Variants in KIN observed in about 807,000 individuals in gnomAD.
The protein encoded by KIN is DNA/RNA-binding protein KIN17.
In KIN, 47 loss-of-function variants were observed where a neutral mutation model predicts 63.0. The ratio of observed to expected loss-of-function variants is 0.75; its 90% CI spans 0.59 to 0.95. KIN has a LOEUF of 0.95. Ranked by LOEUF, KIN falls within the 40% of genes least tolerant of loss-of-function variation. The probability of loss-of-function intolerance (pLI) is 0.00; values close to 1 mark genes in which losing one functional copy is unlikely to be tolerated. For missense variants in KIN, 408 were observed against 460.9 expected (o/e 0.89, Z 1.05); for synonymous variants, 160 against 157.7 (o/e 1.01, Z -0.11).
intron 9 of KIN, 147 bp from the exon 10 acceptor site, chr10:7,763,938 C>T (rs574641825): frequency 1.9e-6 from 1 of 525,976 alleles, no homozygotes; most frequent in Non-Finnish European, 3.3e-6. Context: ...TCTGCCTTCC[C>T]AACAATGACA....
rs1295569121 is a variant in KIN at position 7,769,278 on chromosome 10, G to T, written c.736C>A (p.Gln246Lys). 1 of 1,613,328 alleles carries T rather than the reference G, an allele frequency of 6.2e-7. No homozygotes were observed. Among genetic ancestry groups the T allele is most frequent in the African/African-American group, 1.3e-5 (1 of 74,886 alleles). Residue 246 changes from glutamine to lysine, a missense_variant, in exon 8 of 13, where the codon CAG becomes AAG. Physicochemically the swap from Gln to Lys is moderately conservative, Grantham distance 53. This residue lies in a region of KIN where 298 missense variants were observed against 296.0 expected (regional missense o/e 1.01). Coordinates refer to ENST00000379562, the MANE Select transcript of KIN (RefSeq NM_012311.4). Reference protein sequence around the residue: ...SASVKRKESSQSSTQSKEKKK... With the variant: ...SASVKRKESSKSSTQSKEKKK... ...TTTTCTTTAGACTGAGTTGAGCTCT[G>T]GGAAGATTCTTTTCGTTTCACTGAT... is the stretch of plus-strand genomic sequence containing the variant.
In KIN at chr10:7,778,266, G is replaced by A. The variant is rs74122333; in HGVS notation, c.558+572C>T. On this transcript the variant is annotated intron_variant, in intron 5 of 12. Transcript: ENST00000379562. ...TGTATATGTCTTCCCATTAGGTAGC[G>A]TCTCTATTTAGATATAAGGAAATTG... Among the ~76,000 whole-genome samples the A allele has an allele frequency of 7.4e-3, 1,132 of 152,190 alleles. 9 individuals are homozygous for A. The highest frequency in any genetic ancestry group is 0.026 in the African/African-American group (1,067 of 41,510).
Position 7,754,374 on chromosome 10 carries a change from C to T in KIN, c.*1706G>A, listed in dbSNP as rs190887198. 3.8e-4 allele frequency: 95 copies of T among 248,972 alleles called. 1 individual carries two copies. In the East Asian group the frequency reaches 8.6e-3, roughly 22 times the overall value. 15.4% of individuals were successfully genotyped at this position (248,972 alleles called of 1,614,324 possible). A position where few individuals can be genotyped will look rare whatever the true frequency, so the allele number is the denominator to read the frequency against. The stretch of plus-strand genomic sequence containing the variant: ...AAAAAAAGAGGCGTAGTGGCTCATG[C>T]CTGTAATCCCAGCACTTTGGGAGGC... On this transcript the variant is annotated 3_prime_UTR_variant, in exon 13 of 13. Transcript: ENST00000379562.
Position 7,752,552 on chromosome 10 carries a change from T to C in KIN, c.*3528A>G, listed in dbSNP as rs2130975237. ...AGACTCCTGGCATATGATCCAGCAA[T>C]TGTGCTCTTTGGTCGTTACGTAAAT... is the stretch of plus-strand genomic sequence containing the variant. On this transcript the variant is annotated 3_prime_UTR_variant, in exon 13 of 13. Coordinates refer to ENST00000379562, the MANE Select transcript of KIN (RefSeq NM_012311.4). The C allele has an allele frequency of 6.6e-6, 1 of 152,344 alleles. No individual in the cohort carries two copies. Among genetic ancestry groups the C allele is most frequent in the Admixed American group, 6.5e-5 (1 of 15,304 alleles). 9.4% of individuals were successfully genotyped at this position (152,344 alleles called of 1,614,324 possible).
rs1170607238 is a variant in KIN at position 7,754,225 on chromosome 10, G to T, written c.*1855C>A. ...GCATGCCTGTAGTCCCAGCTACTCG[G>T]GAGGCTGAGGTGGGAGAATCAATGA... is the stretch of plus-strand genomic sequence containing the variant. On this transcript the variant is annotated 3_prime_UTR_variant, in exon 13 of 13. Coordinates refer to ENST00000379562, the MANE Select transcript of KIN (RefSeq NM_012311.4). 2.9e-5 allele frequency: 11 copies of T among 380,698 alleles called. No individual in the cohort carries two copies. Among genetic ancestry groups the T allele is most frequent in the Non-Finnish European group, 5.2e-5 (10 of 191,658 alleles). 23.6% of individuals were successfully genotyped at this position (380,698 alleles called of 1,614,324 possible).
rs1260036864 is a variant in KIN, at chr10:7,778,986, C to A, written c.410G>T (p.Trp137Leu). The A allele has an allele frequency of 3.1e-6, 5 of 1,613,660 alleles. No individual in the cohort carries two copies. Among genetic ancestry groups the A allele is most frequent in the Non-Finnish European group, 4.2e-6 (5 of 1,179,970 alleles). ...GTCCCTGTCTATGTACTGAATATACCAGCCTTTTGGTGTCTCGTCCACTTT... is the reference window on the plus strand; with the variant it reads ...GTCCCTGTCTATGTACTGAATATACAAGCCTTTTGGTGTCTCGTCCACTTT... ...LCKVDETPKG[W>L]YIQYIDRDPE... The change falls in exon 5 of 13, where the codon TGG becomes TTG. Residue 137 changes from tryptophan to leucine, a missense_variant. Trp to Leu is a moderately conservative substitution (Grantham distance 61). Transcript: ENST00000379562.
chr10:7,782,862 T>C (rs558361906), intron 2 of KIN, among the ~76,000 whole-genome samples: 1 of 152,324 alleles, frequency 6.6e-6, no homozygotes, highest in East Asian at 1.9e-4. Context: ...CAGTTTTGTA[T>C]ATCTGAAGTG....
At chr10:7,783,730 A>G (rs186021699) in intron 1 of KIN, among the ~76,000 whole-genome samples, 1 of 152,288 alleles carries the variant, frequency 6.6e-6, no homozygotes, top group East Asian at 1.9e-4. Context: ...TCTCCTTAAT[A>G]TTTGACCCTC....
chr10:7,773,167 C>G (rs1000354617), intron 7 of KIN, among the ~76,000 whole-genome samples: 1 of 152,176 alleles, frequency 6.6e-6, no homozygotes, highest in Non-Finnish European at 1.5e-5. Context: ...GATTCTTCCC[C>G]GGAGCTCAGA....
chr10:7,775,521 A>G (rs757074717), intron 6 of KIN, among the ~76,000 whole-genome samples: 10 of 152,162 alleles, frequency 6.6e-5, no homozygotes, highest in Non-Finnish European at 1.5e-4. Context: ...TATTATGGCA[A>G]GATATTTCCT....
chr10:7,771,836 G>C (rs1334187705), intron 7 of KIN, among the ~76,000 whole-genome samples: 1 of 150,984 alleles, frequency 6.6e-6, no homozygotes, highest in Non-Finnish European at 1.5e-5. Flanking sequence ...CAGAGGTTGT[G>C]GTGAGCCGAG....
At position 7,752,999 on chromosome 10, in the gene KIN, A is replaced by G. The variant is rs1478102785; in HGVS notation, c.*3081T>C. The stretch of plus-strand genomic sequence containing the variant: ...TGTGTGATACTACAGTGGCAGATGC[A>G]TGTCATTATACATTTGTCAAAACCC... On this transcript the variant is annotated 3_prime_UTR_variant, in exon 13 of 13. Transcript: ENST00000379562. 6.6e-6 allele frequency: 1 copy of G among 152,230 alleles called. No homozygotes were observed. The highest frequency in any genetic ancestry group is 1.5e-5 in the Non-Finnish European group (1 of 68,042). 9.4% of individuals were successfully genotyped at this position (152,230 alleles called of 1,614,324 possible).
chr10:7,753,946 C>A lies in KIN; in HGVS notation c.*2134G>T. On this transcript the variant is annotated 3_prime_UTR_variant, in exon 13 of 13. Coordinates refer to ENST00000379562, the MANE Select transcript of KIN (RefSeq NM_012311.4). ...AAGAGAGAGATCCCAGGGTTTGGCA[C>A]CATACCTGTGTCTGACGTCAGCTTA... The A allele has an allele frequency of 7.0e-6, 3 of 429,676 alleles. No individual in the cohort carries two copies. The highest frequency in any genetic ancestry group is 5.0e-5 in the South Asian group (3 of 60,258). 26.6% of individuals were successfully genotyped at this position (429,676 alleles called of 1,614,324 possible).
rs1588470473 is a variant in KIN at position 7,760,010 on chromosome 10, A to G, written c.1019-20T>C. On this transcript the variant is annotated intron_variant, in intron 11 of 12. Transcript: ENST00000379562. ...TTTTTCCTATGATGGAAAAGAATAT[A>G]AAAATTAATGTGAAGAAATATCTCC... The G allele has an allele frequency of 8.5e-7, 1 of 1,176,024 alleles. No homozygotes were observed. The highest frequency in any genetic ancestry group is 2.5e-5 in the East Asian group (1 of 40,126). 72.8% of individuals were successfully genotyped at this position (1,176,024 alleles called of 1,614,324 possible).
At chr10:7,757,873 A>C (rs898720649) in intron 12 of KIN, among the ~76,000 whole-genome samples, 1 of 152,182 alleles carries the variant, frequency 6.6e-6, no homozygotes, top group African/African-American at 2.4e-5. Flanking sequence ...ATTTAGGAAC[A>C]ATTTATTGGA....
At chr10:7,764,822 C>A (rs890844704) in intron 9 of KIN, among the ~76,000 whole-genome samples, 2 of 152,174 alleles carry the variant, frequency 1.3e-5, no homozygotes, top group East Asian at 3.9e-4. Context: ...TGGCCCTTAT[C>A]CACAGTAGAT....
intron 11 of KIN, among the ~76,000 whole-genome samples, chr10:7,760,464 C>T (rs1835417193): frequency 1.3e-5 from 2 of 152,136 alleles, no homozygotes; most frequent in African/African-American, 4.8e-5. Flanking sequence ...ATGTTCACAG[C>T]AGTTTTATTT....
intron 2 of KIN, among the ~76,000 whole-genome samples, chr10:7,782,055 G>A (rs930689235): frequency 4.6e-5 from 7 of 152,018 alleles, no homozygotes; most frequent in South Asian, 2.1e-4. Context: ...CGAAACTCCC[G>A]TCTCAATAAT....
rs79157294 is a variant in KIN, at chr10:7,782,250, G to T, written c.209+831C>A. On this transcript the variant is annotated intron_variant, in intron 2 of 12. Transcript: ENST00000379562. ...AAAGAAAGAGATGGTAAGAAGCAAA[G>T]AAATGTTTATTAATGGTAATGATAA... Among the ~76,000 whole-genome samples the T allele has an allele frequency of 6.0e-3, 907 of 152,180 alleles. 10 individuals are homozygous for T. The highest frequency in any genetic ancestry group is 0.019 in the African/African-American group (806 of 41,522).
Sources: gnomAD v4.1 joint callset for allele counts (sites outside exome capture counted in the v4.1 genomes callset) on GRCh38, gnomAD v4.1.1 for gene constraint, gnomAD v4.1.1 regional missense constraint, MANE v1.5 for transcripts, NCBI Gene and HGNC (gene_info 2026-07-23, HGNC 2026-07-21) for gene names.